The following ALK variants were observed in gnomAD, a reference collection of about 807,000 sequenced individuals.
ALK encodes the protein ALK tyrosine kinase receptor.
ALK carries 74 observed loss-of-function variants against 163.1 expected under a neutral mutation model. That is an observed-to-expected ratio of 0.45 (90% CI 0.38 to 0.55). The LOEUF is 0.55. Among genes scored for constraint, ALK ranks in the 20% least tolerant of loss-of-function variants. The probability of loss-of-function intolerance (pLI) is 0.00; values close to 1 mark genes in which losing one functional copy is unlikely to be tolerated. For synonymous variants in ALK, 960 were observed against 843.2 expected (o/e 1.14, Z -2.40); for missense variants, 2,063 against 2,105.3 (o/e 0.98, Z 0.39).
intron 3 of ALK, among the ~76,000 whole-genome samples, chr2:29,654,761 T>C: frequency 6.6e-6 from 1 of 152,184 alleles, no homozygotes; most frequent in East Asian, 1.9e-4. Context: ...AGAGTTCTTA[T>C]TTTTAGGCTT....
chr2:29,869,314 A>C (rs1240874671), intron 1 of ALK, among the ~76,000 whole-genome samples: 3 of 152,226 alleles, frequency 2.0e-5, no homozygotes, highest in Non-Finnish European at 4.4e-5. Flanking sequence ...TGTCCCTTGA[A>C]TATATACCTT....
chr2:29,896,754 G>T (rs1449757250), intron 1 of ALK, among the ~76,000 whole-genome samples: 1 of 152,122 alleles, frequency 6.6e-6, no homozygotes, highest in African/African-American at 2.4e-5. Context: ...ATTGTAAGAA[G>T]AATAAAATCT....
At chr2:29,800,399 A>G (rs1187416263) in intron 1 of ALK, among the ~76,000 whole-genome samples, 1 of 152,164 alleles carries the variant, frequency 6.6e-6, no homozygotes, top group African/African-American at 2.4e-5. Flanking sequence ...GTGAACCATT[A>G]CTTGGTTTTA....
At chr2:29,768,743 G>GTATATATA (rs1553359152) in intron 1 of ALK, among the ~76,000 whole-genome samples, 25,190 of 150,420 alleles carry the variant, frequency 0.17, 2,495 homozygotes, top group East Asian at 0.39. Flanking sequence ...GTGTGTGTGT[G>GTATATATA]TATATATGTA....
intron 4 of ALK, among the ~76,000 whole-genome samples, chr2:29,413,672 C>T (rs1038751827): frequency 2.0e-5 from 3 of 152,172 alleles, no homozygotes; most frequent in Non-Finnish European, 4.4e-5. Context: ...GCTGGGACTA[C>T]AGGCACCCTC....
At chr2:29,247,644 G>C (rs1449396407) in intron 12 of ALK, among the ~76,000 whole-genome samples, 2 of 152,212 alleles carry the variant, frequency 1.3e-5, no homozygotes, top group Admixed American at 1.3e-4. Context: ...CTAAGAGTGG[G>C]GGTGTTTCCA....
chr2:29,631,854 T>A (rs1676386674), intron 3 of ALK, among the ~76,000 whole-genome samples: 1 of 152,240 alleles, frequency 6.6e-6, no homozygotes, highest in African/African-American at 2.4e-5. Context: ...TATCCTCTGC[T>A]CTAGTGACCT....
chr2:29,287,664 G>A (rs978775411), intron 9 of ALK, among the ~76,000 whole-genome samples: 16 of 152,014 alleles, frequency 1.1e-4, no homozygotes, highest in African/African-American at 2.9e-4. Context: ...CAATGTGAGC[G>A]GAGCAGAAGT....
intron 3 of ALK, among the ~76,000 whole-genome samples, chr2:29,690,399 G>A (rs1341144821): frequency 1.3e-5 from 2 of 152,204 alleles, no homozygotes; most frequent in Non-Finnish European, 2.9e-5. Flanking sequence ...CATCTTTTCT[G>A]CGTGTGCCCA....
intron 11 of ALK, among the ~76,000 whole-genome samples, chr2:29,252,744 T>C (rs957940818): frequency 6.6e-6 from 1 of 152,160 alleles, no homozygotes; most frequent in African/African-American, 2.4e-5. Context: ...TTCTATTTGG[T>C]TTCAGGATGG....
At chr2:29,680,558 A>C (rs1007996814) in intron 3 of ALK, among the ~76,000 whole-genome samples, 3 of 151,948 alleles carry the variant, frequency 2.0e-5, no homozygotes, top group Non-Finnish European at 4.4e-5. Flanking sequence ...TGTCCAGTCA[A>C]ATTCTCAGTT....
rs2148444047 is a variant in ALK at position 29,920,609 on chromosome 2, T to A, written c.51A>T (p.Ala17=). 1 of 1,554,398 alleles carries A rather than the reference T, an allele frequency of 6.4e-7. No homozygotes were observed. The highest frequency in any genetic ancestry group is 1.2e-5 in the South Asian group (1 of 85,648). ...LWLLPLLLST[A]AVGSGMGTGQ... is the part of the protein sequence containing the mutation. The stretch of plus-strand genomic sequence containing the variant: ...CGGTCCCCATCCCGGAGCCCACAGC[T>A]GCCGTGGAAAGCAGCAGCGGCAGGA... The change falls in exon 1 of 29, where the codon GCA becomes GCT. Residue 17 remains alanine, a synonymous_variant. Transcript: ENST00000389048.
At chr2:29,343,891 A>G (rs908062903) in intron 5 of ALK, among the ~76,000 whole-genome samples, 4 of 152,184 alleles carry the variant, frequency 2.6e-5, no homozygotes, top group Admixed American at 2.0e-4. Context: ...CTCAAACACC[A>G]GGGGGATTCT....
At chr2:29,785,486 T>C (rs933453309) in intron 1 of ALK, among the ~76,000 whole-genome samples, 1 of 152,206 alleles carries the variant, frequency 6.6e-6, no homozygotes, top group African/African-American at 2.4e-5. Context: ...TTCTGTTAAA[T>C]AGAAAGCTCC....
intron 9 of ALK, among the ~76,000 whole-genome samples, chr2:29,295,924 C>T (rs1346755937): frequency 6.6e-6 from 1 of 152,156 alleles, no homozygotes; most frequent in South Asian, 2.1e-4. Context: ...CCTCGCCCCT[C>T]TTTTGTCTGG....
intron 3 of ALK, among the ~76,000 whole-genome samples, chr2:29,596,829 G>A (rs572526564): frequency 6.6e-6 from 1 of 152,296 alleles, no homozygotes; most frequent in Admixed American, 6.5e-5. Context: ...GACCATGTGG[G>A]GAGCCTCCTG....
chr2:29,223,779 G>A (rs2148171889), intron 19 of ALK: 1 of 540,080 alleles, frequency 1.9e-6, no homozygotes, highest in Non-Finnish European at 3.3e-6. Context: ...ATAGGGCAGA[G>A]TCATGTTAGT....
intron 5 of ALK, among the ~76,000 whole-genome samples, chr2:29,376,890 T>C (rs1668764927): frequency 6.6e-6 from 1 of 152,220 alleles, no homozygotes; most frequent in Non-Finnish European, 1.5e-5. Context: ...GAAAGACATC[T>C]TCCATTGCCC....
At chr2:29,314,083 C>T (rs1666763697) in intron 8 of ALK, among the ~76,000 whole-genome samples, 1 of 152,098 alleles carries the variant, frequency 6.6e-6, no homozygotes, top group African/African-American at 2.4e-5. Flanking sequence ...CACTGAGAGG[C>T]TGGAGGGAAG....
Sources: allele counts gnomAD v4.1 joint callset (sites outside exome capture counted in the v4.1 genomes callset), GRCh38; gene constraint gnomAD v4.1.1; transcripts MANE v1.5; gene names NCBI Gene and HGNC (gene_info 2026-07-23, HGNC 2026-07-21).